Variants in PDPN observed in about 807,000 individuals in gnomAD.
PDPN encodes PA2.26 antigen.
Under a neutral mutation model 23.2 loss-of-function variants are expected in PDPN, and 12 were observed. The ratio of observed to expected loss-of-function variants is 0.52; its 90% CI spans 0.33 to 0.84. The LOEUF (loss-of-function observed/expected upper bound fraction) is 0.84. PDPN is among the 40% of genes least tolerant of loss of function. The pLI is 0.02. For missense variants in PDPN, 199 were observed against 212.2 expected (o/e 0.94, Z 0.39); for synonymous variants, 77 against 76.7 (o/e 1.00, Z -0.02).
chr1:13,605,338 T>TC (rs1416903564), intron 1 of PDPN, among the ~76,000 whole-genome samples: 3 of 152,138 alleles, frequency 2.0e-5, no homozygotes, highest in Non-Finnish European at 4.4e-5. Context: ...AGCACCTCCC[T>TC]CCCCCTCGCT....
At chr1:13,587,806 C>T (rs543410404) in intron 1 of PDPN, among the ~76,000 whole-genome samples, 27 of 152,230 alleles carry the variant, frequency 1.8e-4, no homozygotes, top group African/African-American at 6.0e-4. Context: ...CTGCCAATTC[C>T]ATCCAAGGCA....
chr1:13,608,819 A>G (rs1640862254), intron 2 of PDPN, among the ~76,000 whole-genome samples: 1 of 152,174 alleles, frequency 6.6e-6, no homozygotes, highest in Non-Finnish European at 1.5e-5. Context: ...GGACAGCACA[A>G]TTTAAACTGA....
intron 3 of PDPN, 124 bp downstream of exon 3, chr1:13,610,640 C>T: frequency 1.0e-6 from 1 of 971,706 alleles, no homozygotes; most frequent in South Asian, 1.6e-5. Context: ...GACTTCTGAA[C>T]CAAGCTTTAT....
intron 2 of PDPN, 146 bp from the exon 3 acceptor site, chr1:13,610,241 G>C: frequency 1.6e-6 from 1 of 631,812 alleles, no homozygotes; most frequent in South Asian, 2.0e-5. Context: ...AGATCTAATT[G>C]TTCTGTTCAT....
intron 1 of PDPN, among the ~76,000 whole-genome samples, chr1:13,594,109 C>G (rs1640426357): frequency 6.6e-6 from 1 of 152,186 alleles, no homozygotes; most frequent in Non-Finnish European, 1.5e-5. Context: ...CCCATGAACT[C>G]TGAAAACTGT....
chr1:13,613,686 G>A lies in PDPN; in HGVS notation c.332-1G>A. ...ACATTATTATATCTTTCTATTCACA[G>A]AGAAAGTGGATGGAGACACACAGAC... On this transcript the variant is annotated splice_acceptor_variant, in intron 3 of 5. Transcript: ENST00000621990. LOFTEE classifies it high-confidence loss of function. The A allele has an allele frequency of 1.4e-6, 2 of 1,409,106 alleles. No individual in the cohort carries two copies. Among genetic ancestry groups the A allele is most frequent in the Non-Finnish European group, 1.0e-6 (1 of 995,242 alleles). 87.3% of individuals were successfully genotyped at this position (1,409,106 alleles called of 1,614,324 possible). A position where few individuals can be genotyped will look rare whatever the true frequency, so the allele number is the denominator to read the frequency against.
intron 4 of PDPN, 74 bp downstream of exon 4, chr1:13,613,799 C>T (rs906486019): frequency 1.0e-5 from 8 of 784,180 alleles, no homozygotes; most frequent in South Asian, 1.4e-5. Context: ...ATTGTTGAGA[C>T]GAATTGCGTT....
chr1:13,598,133 A>G (rs1640546140), intron 1 of PDPN, among the ~76,000 whole-genome samples: 1 of 151,848 alleles, frequency 6.6e-6, no homozygotes, highest in Non-Finnish European at 1.5e-5. Context: ...CTCGTGTCTC[A>G]GCCTCCCAAG....
chr1:13,584,127 G>T (rs781163541), intron 1 of PDPN, 27 bp downstream of exon 1: 2 of 1,610,372 alleles, frequency 1.2e-6, no homozygotes, highest in Non-Finnish European at 1.7e-6. Flanking sequence ...GTGGCTTCCT[G>T]CCGTCGCTGA....
chr1:13,602,368 A>G (rs1215417167), intron 1 of PDPN, among the ~76,000 whole-genome samples: 1 of 152,124 alleles, frequency 6.6e-6, no homozygotes, highest in East Asian at 1.9e-4. Flanking sequence ...CAAAGAATAC[A>G]TTCTTAAGGT....
intron 1 of PDPN, among the ~76,000 whole-genome samples, chr1:13,586,881 G>A (rs375407150): frequency 1.6e-4 from 24 of 151,608 alleles, no homozygotes; most frequent in African/African-American, 5.3e-4. Flanking sequence ...GTGAAACCCC[G>A]TCTCTACTAA....
chr1:13,589,675 A>G (rs552308024), intron 1 of PDPN, among the ~76,000 whole-genome samples: 1 of 152,228 alleles, frequency 6.6e-6, no homozygotes, highest in South Asian at 2.1e-4. Context: ...AGGCTGCTCA[A>G]CCCTAGAGCC....
intron 1 of PDPN, among the ~76,000 whole-genome samples, chr1:13,589,505 G>C (rs532512863): frequency 1.3e-5 from 2 of 152,238 alleles, no homozygotes; most frequent in South Asian, 2.1e-4. Flanking sequence ...AGTGCTTAGC[G>C]TGTGTGAACC....
At position 13,584,082 on chromosome 1, in the gene PDPN, T is replaced by C. The variant is rs768229516; in HGVS notation, c.49T>C (p.Trp17Arg). The C allele has an allele frequency of 1.2e-5, 20 of 1,612,988 alleles. No individual in the cohort carries two copies. The African/African-American group carries it at 2.4e-4, about 19-fold the overall frequency. ...LLFVLGSASL[W>R]VLAEGASTGQ... ...CTTCGTTTTGGGAAGCGCGTCGCTC[T>C]GGGTCCTGGCAGAAGGAGGTAAGAC... The change falls in exon 1 of 6, where the codon TGG (tryptophan) becomes CGG (arginine). Residue 17 changes from tryptophan (W) to arginine (R), a missense_variant. By Grantham distance (101) the Trp-to-Arg change is moderately radical. Coordinates refer to ENST00000621990, the MANE Select transcript of PDPN (RefSeq NM_006474.5).
Position 13,617,922 on chromosome 1 carries a change from G to A in PDPN, c.*2011G>A, listed in dbSNP as rs114184839. 1 of 152,280 alleles carries A rather than the reference G, an allele frequency of 6.6e-6. No individual in the cohort carries two copies. Among genetic ancestry groups the A allele is most frequent in the Non-Finnish European group, 1.5e-5 (1 of 68,046 alleles). The allele number at this position is 152,280 out of a possible 1,614,324, so 9.4% of individuals were successfully genotyped here. A position where few individuals can be genotyped will look rare whatever the true frequency, so the allele number is the denominator to read the frequency against. On this transcript the variant is annotated 3_prime_UTR_variant, in exon 6 of 6. Coordinates refer to ENST00000621990, the MANE Select transcript of PDPN (RefSeq NM_006474.5). Reference sequence around the variant, plus strand: ...CTGTGTTGGTGCTCAATGCAGTGTAGACATGTTTTCAAATAAAACAAATGA... The same window carrying A: ...CTGTGTTGGTGCTCAATGCAGTGTAAACATGTTTTCAAATAAAACAAATGA...
intron 2 of PDPN, among the ~76,000 whole-genome samples, chr1:13,607,824 G>T (rs1160815468): frequency 6.6e-6 from 1 of 152,158 alleles, no homozygotes; most frequent in Non-Finnish European, 1.5e-5. Flanking sequence ...TATCTTCTCA[G>T]CCGGGCGTGG....
Position 13,610,423 on chromosome 1 carries a change from A to G in PDPN, c.238A>G (p.Ile80Val). 1 of 1,613,976 alleles carries G rather than the reference A, an allele frequency of 6.2e-7. No homozygotes were observed. The highest frequency in any genetic ancestry group is 8.5e-7 in the Non-Finnish European group (1 of 1,179,852). The change falls in exon 3 of 6, where the codon ATC becomes GTC. Residue 80 changes from isoleucine (I) to valine (V), a missense_variant. By Grantham distance (29) the Ile-to-Val change is conservative (BLOSUM62 3). Coordinates refer to ENST00000621990, the MANE Select transcript of PDPN (RefSeq NM_006474.5). ...TSVNSVTGIR[I>V]EDLPTSESTV... ...TGTCAACAGTGTAACAGGCATTCGC[A>G]TCGAGGATCTGCCAACTTCAGAAAG...
chr1:13,590,972 C>T (rs1003489393), intron 1 of PDPN, among the ~76,000 whole-genome samples: 9 of 151,802 alleles, frequency 5.9e-5, no homozygotes, highest in South Asian at 2.1e-4. Context: ...GATGGAGTCT[C>T]GCTCTGTTGC....
intron 1 of PDPN, among the ~76,000 whole-genome samples, chr1:13,587,082 GAACTTGAAATTAAAGGTTA>G: frequency 6.6e-6 from 1 of 152,268 alleles, no homozygotes; most frequent in East Asian, 1.9e-4. Flanking sequence ...TAAAGAGGTT[GAACTTGAAATTAAAGGTTA>G]ACCTCACTTT....
Sources: allele counts gnomAD v4.1 joint callset (sites outside exome capture counted in the v4.1 genomes callset), GRCh38; gene constraint gnomAD v4.1.1; transcripts MANE v1.5; gene names NCBI Gene and HGNC (gene_info 2026-07-23, HGNC 2026-07-21).